The following ANKS6 variants were observed in gnomAD, a reference collection of about 807,000 sequenced individuals.
The protein encoded by ANKS6 is ankyrin repeat and sterile alpha motif domain containing 6.
ANKS6 carries 47 observed loss-of-function variants against 77.9 expected under a neutral mutation model. That is an observed-to-expected ratio of 0.60 (90% CI 0.48 to 0.77). The LOEUF is 0.77. Among genes scored for constraint, ANKS6 ranks in the 30% least tolerant of loss-of-function variants. ANKS6 has a pLI of 0.00. For synonymous variants in ANKS6, 488 were observed against 501.7 expected, an observed-to-expected ratio of 0.97 and a Z score of 0.37; for missense variants, 1,150 against 1,159.1, an observed-to-expected ratio of 0.99 and a Z score of 0.11.
At chr9:98,782,779 C>G (rs886793767) in intron 4 of ANKS6, among the ~76,000 whole-genome samples, 1 of 152,054 alleles carries the variant, frequency 6.6e-6, no homozygotes, top group Non-Finnish European at 1.5e-5. Context: ...AGTGTTCCTT[C>G]CAGGAACAAA....
At chr9:98,752,204 A>G (rs1000389947) in intron 12 of ANKS6, among the ~76,000 whole-genome samples, 1 of 152,266 alleles carries the variant, frequency 6.6e-6, no homozygotes, top group East Asian at 1.9e-4. Flanking sequence ...GCTGTTTTAC[A>G]GAAGATGGTC....
chr9:98,789,946 TCCC>T, intron 2 of ANKS6, 155 bp downstream of exon 2: 1 of 1,120,950 alleles, frequency 8.9e-7, no homozygotes, highest in African/African-American at 1.6e-5. Flanking sequence ...TCACAGGCAA[TCCC>T]CCCGATACTT....
intron 11 of ANKS6, among the ~76,000 whole-genome samples, chr9:98,766,009 G>T (rs1292091123): frequency 1.3e-5 from 2 of 152,170 alleles, no homozygotes; most frequent in Non-Finnish European, 2.9e-5. Context: ...GACTGGGCTG[G>T]TTCCAACAGA....
In ANKS6 at chr9:98,745,573, G is replaced by A; in HGVS notation, c.2497C>T (p.Leu833=). ...RQQILAAISE[L]NAGKGRERQI... is the part of the protein sequence containing the mutation. ...GAGAACGGTACCTTGCCTGCGTTCA[G>A]TTCAGAAATCGCTGCCAGAATCTGC... The change falls in exon 14 of 15, where the codon CTG becomes TTG. Residue 833 remains leucine, a synonymous_variant. Coordinates refer to ENST00000353234, the MANE Select transcript of ANKS6 (RefSeq NM_173551.5). 2 of 1,613,666 alleles carry A rather than the reference G, an allele frequency of 1.2e-6. No homozygotes were observed. Among genetic ancestry groups the A allele is most frequent in the Non-Finnish European group, 1.7e-6 (2 of 1,179,550 alleles).
intron 7 of ANKS6, 139 bp downstream of exon 7, chr9:98,778,087 C>A (rs1834012158): frequency 3.8e-6 from 4 of 1,043,948 alleles, no homozygotes; most frequent in South Asian, 3.3e-5. Context: ...ATCTTTTCCA[C>A]CAGACCAGCC....
At chr9:98,741,070 C>A (rs966176162) in intron 14 of ANKS6, among the ~76,000 whole-genome samples, 1 of 152,206 alleles carries the variant, frequency 6.6e-6, no homozygotes, top group African/African-American at 2.4e-5. Context: ...CAGACATCTA[C>A]TGTGAGGATT....
chr9:98,749,886 G>T (rs575073379), intron 13 of ANKS6, among the ~76,000 whole-genome samples: 1 of 152,170 alleles, frequency 6.6e-6, no homozygotes, highest in Non-Finnish European at 1.5e-5. Context: ...CTCTGCAATT[G>T]TGTCAGTTTT....
At chr9:98,739,226 T>G (rs1564171646) in intron 14 of ANKS6, among the ~76,000 whole-genome samples, 3 of 152,182 alleles carry the variant, frequency 2.0e-5, no homozygotes, top group African/African-American at 4.8e-5. Context: ...CGAAAGAACT[T>G]ACTCATGTAA....
At chr9:98,753,967 G>A (rs867456721) in intron 12 of ANKS6, among the ~76,000 whole-genome samples, 2 of 152,112 alleles carry the variant, frequency 1.3e-5, no homozygotes, top group Non-Finnish European at 1.5e-5. Flanking sequence ...CTGAACAGTC[G>A]GCTCTGGCAC....
chr9:98,771,274 C>T (rs1363769344), intron 9 of ANKS6, among the ~76,000 whole-genome samples: 1 of 152,202 alleles, frequency 6.6e-6, no homozygotes, highest in African/African-American at 2.4e-5. Flanking sequence ...CACATCATTT[C>T]CCATGGGCCA....
At chr9:98,795,998 A>T in intron 1 of ANKS6, 135 bp downstream of exon 1, 1 of 824,902 alleles carries the variant, frequency 1.2e-6, no homozygotes, top group South Asian at 5.6e-5. Flanking sequence ...ACAAAAGACT[A>T]CTCAAAGTTT....
intron 4 of ANKS6, among the ~76,000 whole-genome samples, chr9:98,783,001 G>A (rs1413748777): frequency 6.6e-6 from 1 of 152,082 alleles, no homozygotes; most frequent in East Asian, 1.9e-4. Flanking sequence ...GTTGGAGGAT[G>A]CTTGAGTCTG....
rs554972117 is a variant in ANKS6, at chr9:98,739,427, G to A, written c.2512-2804C>T. ...TCAACTCCAGCCTGGGCAACAGAGCGAGACCCTGTCACAGTCTAGGTTTGG... is the reference window on the plus strand; with the variant it reads ...TCAACTCCAGCCTGGGCAACAGAGCAAGACCCTGTCACAGTCTAGGTTTGG... On this transcript the variant is annotated intron_variant, in intron 14 of 14. Transcript: ENST00000353234. Among the ~76,000 whole-genome samples the A allele has an allele frequency of 2.0e-4, 31 of 152,212 alleles. 1 individual carries two copies. The East Asian group carries it at 3.7e-3, about 18-fold the overall frequency.
chr9:98,776,383 A>G (rs1400817266), intron 8 of ANKS6, among the ~76,000 whole-genome samples: 2 of 143,646 alleles, frequency 1.4e-5, no homozygotes, highest in Non-Finnish European at 3.0e-5. Flanking sequence ...ATTTAAGCAG[A>G]GTAGTTGCCA....
Position 98,789,383 on chromosome 9 carries a change from G to A in ANKS6, c.862+721C>T, listed in dbSNP as rs11789133. Among the ~76,000 whole-genome samples, 745 of 143,112 alleles carry A rather than the reference G, an allele frequency of 5.2e-3. 6 individuals carry two copies. The highest frequency in any genetic ancestry group is 0.023 in the South Asian group (104 of 4,524). The allele number at this position is 143,112 out of a possible 152,430, so 93.9% of individuals were successfully genotyped here. ...TATGTCCTATGGCAGATTTGCTAAGGATTGTTTAGACAACTCTTTACATGC... is the reference window on the plus strand; with the variant it reads ...TATGTCCTATGGCAGATTTGCTAAGAATTGTTTAGACAACTCTTTACATGC... On this transcript the variant is annotated intron_variant, in intron 2 of 14. Coordinates refer to ENST00000353234, the MANE Select transcript of ANKS6 (RefSeq NM_173551.5).
At chr9:98,750,472 T>C (rs1457167164) in intron 13 of ANKS6, among the ~76,000 whole-genome samples, 1 of 152,230 alleles carries the variant, frequency 6.6e-6, no homozygotes, top group African/African-American at 2.4e-5. Context: ...ATAATGTTGC[T>C]ACAAGCATTT....
chr9:98,793,905 A>T (rs1835040721), intron 1 of ANKS6, among the ~76,000 whole-genome samples: 1 of 147,816 alleles, frequency 6.8e-6, no homozygotes, highest in South Asian at 2.2e-4. Flanking sequence ...TAATCGCAGC[A>T]CTTTGGGAGG....
chr9:98,764,427 T>C (rs1833164300), intron 11 of ANKS6, among the ~76,000 whole-genome samples: 1 of 152,204 alleles, frequency 6.6e-6, no homozygotes, highest in Admixed American at 6.5e-5. Flanking sequence ...TTTCTTTTCA[T>C]TTTTTAAGCA....
At chr9:98,795,145 C>G (rs1269278723) in intron 1 of ANKS6, among the ~76,000 whole-genome samples, 1 of 152,116 alleles carries the variant, frequency 6.6e-6, no homozygotes, top group Non-Finnish European at 1.5e-5. Flanking sequence ...TCCTGCTGAT[C>G]TACTCCCTGA....
Sources: gnomAD v4.1 joint callset for allele counts (sites outside exome capture counted in the v4.1 genomes callset) on GRCh38, gnomAD v4.1.1 for gene constraint, MANE v1.5 for transcripts, NCBI Gene and HGNC (gene_info 2026-07-23, HGNC 2026-07-21) for gene names.